Variants in APOBEC1 observed in about 807,000 individuals in gnomAD.
APOBEC1 encodes apolipoprotein B mRNA editing enzyme catalytic subunit 1.
Under a neutral mutation model 26.3 loss-of-function variants are expected in APOBEC1, and 22 were observed. The ratio of observed to expected loss-of-function variants is 0.84; its 90% CI spans 0.60 to 1.19. The LOEUF (loss-of-function observed/expected upper bound fraction) is 1.19. Among genes scored for constraint, APOBEC1 ranks in the 50% most tolerant of loss-of-function variants. APOBEC1 has a pLI of 0.00. For missense variants in APOBEC1, 253 were observed against 289.0 expected (o/e 0.88, Z 0.90); for synonymous variants, 77 against 95.3 (o/e 0.81, Z 1.12).
intron 1 of APOBEC1, among the ~76,000 whole-genome samples, chr12:7,660,390 A>AAGAAAGAAAGAAAGAAAGAAAGAG (rs1565442440): frequency 3.9e-5 from 4 of 101,380 alleles, no homozygotes; most frequent in African/African-American, 1.5e-4. Flanking sequence ...GAAAGAAAGA[A>AAGAAAGAAAGAAAGAAAGAAAGAG]AGAAAGAAAG....
intron 4 of APOBEC1, 139 bp from the exon 5 acceptor site, chr12:7,649,835 G>A (rs943543733): frequency 1.3e-6 from 1 of 755,336 alleles, no homozygotes; most frequent in Non-Finnish European, 2.1e-6. Context: ...ACAGGGTCTG[G>A]TTCTGGACTC....
intron 1 of APOBEC1, among the ~76,000 whole-genome samples, chr12:7,655,729 C>G (rs1258244376): frequency 6.6e-6 from 1 of 151,980 alleles, no homozygotes; most frequent in East Asian, 2.0e-4. Flanking sequence ...TGGCTTATAC[C>G]TATAATCCCA....
intron 1 of APOBEC1, among the ~76,000 whole-genome samples, chr12:7,659,841 C>A (rs186222512): frequency 0.011 from 1,642 of 151,798 alleles, 34 homozygotes; most frequent in African/African-American, 0.037. Context: ...TGGTGGCGGG[C>A]GCCTGTAGTC....
intron 1 of APOBEC1, among the ~76,000 whole-genome samples, chr12:7,660,367 G>GAAAGAAAAAGAAAGAAA (rs1565442341): frequency 1.2e-4 from 2 of 16,810 alleles, no homozygotes; most frequent in African/African-American, 4.2e-4. Context: ...AAGGAAGGAA[G>GAAAGAAAAAGAAAGAAA]GAAGGAAGGA....
rs766765730 is a variant in APOBEC1, at chr12:7,652,430, G to GT, written c.442+7dup. On this transcript the variant is annotated splice_region_variant and intron_variant, in intron 3 of 4. Coordinates refer to ENST00000229304, the MANE Select transcript of APOBEC1 (RefSeq NM_001644.5). ...AAACAATGAAGTTTCTTTGTTTACT[G>GT]TTTTTACCTGATGCTCTCATAATCT... The GT allele has an allele frequency of 6.2e-7, 1 of 1,603,216 alleles. No individual in the cohort carries two copies. The highest frequency in any genetic ancestry group is 8.5e-7 in the Non-Finnish European group (1 of 1,174,968).
chr12:7,666,265 T>C (rs982970156), upstream of APOBEC1, among the ~76,000 whole-genome samples: 15 of 152,082 alleles, frequency 9.9e-5, no homozygotes, highest in African/African-American at 3.6e-4. Context: ...TTTTTCATTA[T>C]CTCCTACTCT....
At chr12:7,660,390 A>AGGAAGGAAGGAAGGAC (rs1565442438) in intron 1 of APOBEC1, among the ~76,000 whole-genome samples, 5 of 101,382 alleles carry the variant, frequency 4.9e-5, no homozygotes, top group Non-Finnish European at 1.1e-4. Flanking sequence ...GAAAGAAAGA[A>AGGAAGGAAGGAAGGAC]AGAAAGAAAG....
In APOBEC1 at chr12:7,652,612, A is replaced by C; in HGVS notation, c.268T>G (p.Trp90Gly). 1.9e-6 allele frequency: 3 copies of C among 1,614,228 alleles called. No individual in the cohort carries two copies. In the South Asian group the frequency reaches 3.3e-5, roughly 18 times the overall value. Residue 90 changes from tryptophan to glycine, a missense_variant, in exon 3 of 5, where the codon TGG (tryptophan) becomes GGG (glycine). Physicochemically the swap from Trp to Gly is radical, Grantham distance 184. Transcript: ENST00000229304. ...TGGGAGCATTCCCAGCAGGGACTCC[A>C]GGACAAGAACCAGGTGATGGAGCAG... ...MSCSITWFLS[W>G]SPCWECSQAI...
At chr12:7,668,648 AT>A (rs1863920807), upstream of APOBEC1, among the ~76,000 whole-genome samples, 1 of 152,144 alleles carries the variant, frequency 6.6e-6, no homozygotes, top group Non-Finnish European at 1.5e-5. Flanking sequence ...AAATTTATGA[AT>A]TTTGAAAAAT....
At chr12:7,665,383 C>T (rs1042679527) in intron 1 of APOBEC1, among the ~76,000 whole-genome samples, 7 of 152,044 alleles carry the variant, frequency 4.6e-5, no homozygotes, top group South Asian at 2.1e-4. Context: ...CTGCAACCTC[C>T]GCCTCCTGTG....
At chr12:7,651,531 G>A (rs993510799) in intron 3 of APOBEC1, among the ~76,000 whole-genome samples, 10 of 151,146 alleles carry the variant, frequency 6.6e-5, no homozygotes, top group African/African-American at 2.2e-4. Context: ...GGAGAATGGC[G>A]TGAACCCCAG....
rs1863630593 is a variant in APOBEC1 at position 7,651,048 on chromosome 12, G to A, written c.536C>T (p.Ala179Val). 1 of 1,613,692 alleles carries A rather than the reference G, an allele frequency of 6.2e-7. No homozygotes were observed. The highest frequency in any genetic ancestry group is 1.7e-5 in the Admixed American group (1 of 60,022). The change falls in exon 4 of 5, where the codon GCA becomes GTA. Residue 179 changes from alanine (A) to valine (V), a missense_variant. Transcript: ENST00000229304. ...TAGAATTATGCAGTGCAGCTCCAGT[G>A]CGTACAACATCATCCACAGAGGTGG... ...QYPPLWMMLY[A>V]LELHCIILSL...
Position 7,654,644 on chromosome 12 carries a change from G to A in APOBEC1, c.17-12C>T, listed in dbSNP as rs1422441434. On this transcript the variant is annotated splice_polypyrimidine_tract_variant and intron_variant, in intron 1 of 4. Coordinates refer to ENST00000229304, the MANE Select transcript of APOBEC1 (RefSeq NM_001644.5). The stretch of plus-strand genomic sequence containing the variant: ...ACCGGTTGAAGGACCTGTTGACCAA[G>A]ATATGATTATGTCAAACAACACTCA... 1.2e-6 allele frequency: 2 copies of A among 1,613,516 alleles called. No homozygotes were observed. The highest frequency in any genetic ancestry group is 1.7e-6 in the Non-Finnish European group (2 of 1,179,560).
intron 3 of APOBEC1, 26 bp downstream of exon 3, chr12:7,652,412 G>C (rs774123023): frequency 1.3e-6 from 2 of 1,583,968 alleles, no homozygotes; most frequent in Non-Finnish European, 1.7e-6. Flanking sequence ...TGTAAACAAT[G>C]AAGTTTCTTT....
chr12:7,656,025 C>T (rs1052852250), intron 1 of APOBEC1, among the ~76,000 whole-genome samples: 1 of 151,838 alleles, frequency 6.6e-6, no homozygotes, highest in African/African-American at 2.4e-5. Flanking sequence ...TTTGTGGAGG[C>T]GTGTTCTCTC....
intron 1 of APOBEC1, among the ~76,000 whole-genome samples, chr12:7,660,551 A>C (rs753564699): frequency 5.9e-4 from 89 of 151,280 alleles, no homozygotes; most frequent in African/African-American, 1.7e-3. Flanking sequence ...TAAATACAAA[A>C]AATTAGCCAG....
rs747566913 is a variant in APOBEC1 at position 7,649,496 on chromosome 12, T to C, written c.*51A>G. 4 of 1,582,242 alleles carry C rather than the reference T, an allele frequency of 2.5e-6. No homozygotes were observed. The highest frequency in any genetic ancestry group is 3.5e-6 in the Non-Finnish European group (4 of 1,158,594). On this transcript the variant is annotated 3_prime_UTR_variant, in exon 5 of 5. Coordinates refer to ENST00000229304, the MANE Select transcript of APOBEC1 (RefSeq NM_001644.5). ...ATTCTAAATGGCATTCACTCTTTAG[T>C]GGGTCATCATTGCTTGTTCTTGAAT...
chr12:7,662,037 G>A (rs770449762), intron 1 of APOBEC1, among the ~76,000 whole-genome samples: 2 of 152,226 alleles, frequency 1.3e-5, no homozygotes, highest in African/African-American at 4.8e-5. Flanking sequence ...TTGAGGCTAG[G>A]AAATTGAGAC....
intron 1 of APOBEC1, among the ~76,000 whole-genome samples, chr12:7,660,343 G>GGAAGGAAA (rs1863790931): frequency 5.4e-5 from 1 of 18,620 alleles, no homozygotes; most frequent in Non-Finnish European, 2.9e-4. Flanking sequence ...AGGGAAGGAA[G>GGAAGGAAA]GAAGGAAGGA....
Sources: allele counts gnomAD v4.1 joint callset (sites outside exome capture counted in the v4.1 genomes callset), GRCh38; gene constraint gnomAD v4.1.1; transcripts MANE v1.5; gene names NCBI Gene and HGNC (gene_info 2026-07-23, HGNC 2026-07-21).